The following EPHA4 variants were observed in gnomAD, a reference collection of about 807,000 sequenced individuals.
The protein encoded by EPHA4 is ephrin type-A receptor 4.
In EPHA4, 19 loss-of-function variants were observed where a neutral mutation model predicts 108.3. The ratio of observed to expected loss-of-function variants is 0.18; its 90% CI spans 0.12 to 0.26. The LOEUF (loss-of-function observed/expected upper bound fraction) is 0.26. Ranked by LOEUF, EPHA4 falls within the 10% of genes least tolerant of loss-of-function variation. The probability of loss-of-function intolerance (pLI) is 1.00; values close to 1 mark genes in which losing one functional copy is unlikely to be tolerated. For synonymous variants in EPHA4, 449 were observed against 455.5 expected (o/e 0.99, Z 0.18); for missense variants, 917 against 1,254.0 (o/e 0.73, Z 4.06).
chr2:221,549,980 C>CAAAA (rs1342866341), intron 3 of EPHA4, among the ~76,000 whole-genome samples: 1 of 151,956 alleles, frequency 6.6e-6, no homozygotes, highest in Non-Finnish European at 1.5e-5. Flanking sequence ...GACTCCATCT[C>CAAAA]AAACAAACAA....
In EPHA4 at chr2:221,426,488, T is replaced by G. The variant is rs1689913747; in HGVS notation, c.2822A>C (p.Glu941Ala). 1 of 1,612,400 alleles carries G rather than the reference T, an allele frequency of 6.2e-7. No individual in the cohort carries two copies. The highest frequency in any genetic ancestry group is 8.5e-7 in the Non-Finnish European group (1 of 1,179,692). ...NFTAAGYTTL[E>A]AVVHVNQEDL... ...CTCCTGGTTCACGTGCACCACAGCC[T>G]CTAGTGTGGTATAACCAGCAGCTGT... The change falls in exon 16 of 18, where the codon GAG (glutamate) becomes GCG (alanine). Residue 941 changes from glutamate to alanine, a missense_variant. By Grantham distance (107) the Glu-to-Ala change is moderately radical (BLOSUM62 -1). Around this residue, in one of 3 missense-constraint regions of EPHA4, gnomAD observed 133 missense variants for 132.8 expected, o/e 1.00. Transcript: ENST00000281821.
intron 2 of EPHA4, among the ~76,000 whole-genome samples, chr2:221,567,715 A>T (rs1253227367): frequency 6.6e-6 from 1 of 152,182 alleles, no homozygotes; most frequent in Admixed American, 6.5e-5. Context: ...AGACTCTATG[A>T]ATCTTTAATT....
intron 3 of EPHA4, among the ~76,000 whole-genome samples, chr2:221,516,301 T>A (rs1692986617): frequency 6.6e-6 from 1 of 151,864 alleles, no homozygotes; most frequent in South Asian, 2.1e-4. Flanking sequence ...CTCTTTTTAA[T>A]CCTCAAAAAT....
At chr2:221,449,195 A>G (rs1224593521) in intron 8 of EPHA4, among the ~76,000 whole-genome samples, 1 of 152,192 alleles carries the variant, frequency 6.6e-6, no homozygotes, top group Non-Finnish European at 1.5e-5. Context: ...AAATACCTGG[A>G]AAACAAAAAT....
chr2:221,541,582 G>A (rs1693841556), intron 3 of EPHA4, among the ~76,000 whole-genome samples: 1 of 152,180 alleles, frequency 6.6e-6, no homozygotes, highest in Admixed American at 6.5e-5. Flanking sequence ...TGTGTGGGAA[G>A]CTGTAACTCC....
intron 4 of EPHA4, among the ~76,000 whole-genome samples, chr2:221,489,555 A>C (rs750898987): frequency 3.0e-4 from 46 of 152,104 alleles, no homozygotes; most frequent in Admixed American, 7.2e-4. Flanking sequence ...TACTCCATAC[A>C]AACTGAAATC....
chr2:221,573,301 C>T (rs915821879), upstream of EPHA4: 4 of 152,406 alleles, frequency 2.6e-5, no homozygotes, highest in South Asian at 4.1e-4. This position sits in a 1 kb window ranked among gnomAD's most constrained non-coding sequence, Gnocchi z 4.5. Flanking sequence ...GGGCAGCCCT[C>T]CCTGCCCCGG....
chr2:221,521,630 TA>T (rs1693168373), intron 3 of EPHA4, among the ~76,000 whole-genome samples: 1 of 152,158 alleles, frequency 6.6e-6, no homozygotes, highest in Non-Finnish European at 1.5e-5. Context: ...AAGAACCTTG[TA>T]AATACCATAT....
Position 221,515,244 on chromosome 2 carries a change from C to T in EPHA4, c.824-14072G>A, listed in dbSNP as rs550343401. Among the ~76,000 whole-genome samples, 29 of 152,138 alleles carry T rather than the reference C, an allele frequency of 1.9e-4. No homozygotes were observed. In the South Asian group the frequency reaches 3.7e-3, roughly 20 times the overall value. ...CCAAGTAGCTGGGACTACAGGCATG[C>T]GCCACCATGCATGGCTAATTTTGTA... On this transcript the variant is annotated intron_variant, in intron 3 of 17. Coordinates refer to ENST00000281821, the MANE Select transcript of EPHA4 (RefSeq NM_004438.5).
At chr2:221,434,062 G>C (rs10180104) in intron 14 of EPHA4, 80 bp downstream of exon 14, 8 of 1,444,096 alleles carry the variant, frequency 5.5e-6, no homozygotes, top group African/African-American at 1.4e-5. Context: ...TTCAAACCCC[G>C]TGCCCACTCC....
intron 5 of EPHA4, among the ~76,000 whole-genome samples, chr2:221,478,889 C>G (rs1691738049): frequency 6.6e-6 from 1 of 152,220 alleles, no homozygotes; most frequent in African/African-American, 2.4e-5. Context: ...CTTCCATCAG[C>G]TTATCAGCAA....
At position 221,426,540 on chromosome 2, in the gene EPHA4, T is replaced by C. The variant is rs1689915615; in HGVS notation, c.2770A>G (p.Lys924Glu). Reference sequence around the variant, plus strand: ...AAGTTATCCTTATACCGGTCCATTTTAATGGCCTGGAGCCAATCGCCCACT... The same window carrying C: ...AAGTTATCCTTATACCGGTCCATTTCAATGGCCTGGAGCCAATCGCCCACT... Reference protein sequence around the residue: ...VSVGDWLQAIKMDRYKDNFTA... With the variant: ...VSVGDWLQAIEMDRYKDNFTA... Residue 924 changes from lysine to glutamate, a missense_variant, in exon 16 of 18, where the codon AAA becomes GAA. By Grantham distance (56) the Lys-to-Glu change is moderately conservative. Transcript: ENST00000281821. 1.2e-6 allele frequency: 2 copies of C among 1,614,124 alleles called. No individual in the cohort carries two copies.
chr2:221,567,012 A>AAGAAGAAGAAGAAGAAGAAGAAGAAG (rs879781384), intron 2 of EPHA4, among the ~76,000 whole-genome samples: 19 of 67,804 alleles, frequency 2.8e-4, no homozygotes, highest in South Asian at 6.7e-4. Context: ...AGAAGAAGAA[A>AAGAAGAAGAAGAAGAAGAAGAAGAAG]AAAATGTCTG....
Position 221,450,791 on chromosome 2 carries a change from G to A in EPHA4, c.1716-4610C>T, listed in dbSNP as rs375977638. 2.2e-4 allele frequency among the ~76,000 whole-genome samples: 34 copies of A among 152,210 alleles called. 1 individual carries two copies. The South Asian group carries it at 6.0e-3, about 27-fold the overall frequency. ...GTCACTAGCAATCATTAGAAGGTTCGTATAAAAACAGCATGTGCCTGGTTA... is the reference window on the plus strand; with the variant it reads ...GTCACTAGCAATCATTAGAAGGTTCATATAAAAACAGCATGTGCCTGGTTA... On this transcript the variant is annotated intron_variant, in intron 8 of 17. Coordinates refer to ENST00000281821, the MANE Select transcript of EPHA4 (RefSeq NM_004438.5).
chr2:221,516,447 C>G (rs1334730496), intron 3 of EPHA4, among the ~76,000 whole-genome samples: 2 of 150,636 alleles, frequency 1.3e-5, no homozygotes, highest in Non-Finnish European at 2.9e-5. Flanking sequence ...CTCCGCCTCT[C>G]AGGTTCAAGT....
chr2:221,559,150 C>T (rs1694384453), intron 3 of EPHA4, among the ~76,000 whole-genome samples: 1 of 152,112 alleles, frequency 6.6e-6, no homozygotes, highest in South Asian at 2.1e-4. Flanking sequence ...TAATACGATA[C>T]CTTTTGTTGA....
chr2:221,566,813 A>C (rs1207030947), intron 2 of EPHA4, among the ~76,000 whole-genome samples: 1 of 143,970 alleles, frequency 6.9e-6, no homozygotes, highest in Non-Finnish European at 1.5e-5. Context: ...GAGAAGAAGA[A>C]GAAGGAGAAG....
chr2:221,477,739 T>C (rs1371544925), intron 5 of EPHA4, among the ~76,000 whole-genome samples: 1 of 152,180 alleles, frequency 6.6e-6, no homozygotes, highest in African/African-American at 2.4e-5. Context: ...TGAGAGACCA[T>C]TTCTAAACAT....
intron 4 of EPHA4, among the ~76,000 whole-genome samples, chr2:221,485,955 T>A (rs1014140388): frequency 1.3e-5 from 2 of 152,186 alleles, no homozygotes; most frequent in Non-Finnish European, 2.9e-5. Flanking sequence ...TCTCTTTTAA[T>A]AAATACAAGG....
Sources: gnomAD v4.1 joint callset for allele counts (sites outside exome capture counted in the v4.1 genomes callset) on GRCh38, gnomAD v4.1.1 for gene constraint, gnomAD v4.1.1 regional missense constraint, Gnocchi (gnomAD v3.1) non-coding constraint, MANE v1.5 for transcripts, NCBI Gene and HGNC (gene_info 2026-07-23, HGNC 2026-07-21) for gene names.